Variants in SHANK2 observed in about 807,000 individuals in gnomAD.
SHANK2 encodes the protein SH3 and multiple ankyrin repeat domains 2, also known as SH3 and multiple ankyrin repeat domains protein 2.
A neutral mutation model predicts 133.7 loss-of-function variants in SHANK2; 43 were observed. The ratio of observed to expected loss-of-function variants is 0.32; its 90% confidence interval spans 0.25 to 0.41. The LOEUF is 0.41. Ranked by LOEUF, SHANK2 falls within the 10% of genes least tolerant of loss-of-function variation. The pLI is 1.00. For missense variants in SHANK2, 1,994 were observed against 2,235.8 expected (o/e 0.89, Z 2.18); for synonymous variants, 1,017 against 952.8 (o/e 1.07, Z -1.24).
chr11:70,546,222 A>C (rs1197833579), intron 17 of SHANK2, among the ~76,000 whole-genome samples: 2 of 150,756 alleles, frequency 1.3e-5, no homozygotes, highest in Admixed American at 6.7e-5. Context: ...CACAGGTGTG[A>C]ACCACTGCGC....
intron 17 of SHANK2, among the ~76,000 whole-genome samples, chr11:70,540,403 G>A (rs2059605004): frequency 6.6e-6 from 1 of 152,016 alleles, no homozygotes; most frequent in Non-Finnish European, 1.5e-5. Context: ...TCGAGGTGAT[G>A]AAGGCAGGCT....
At chr11:71,138,358 A>G (rs1397652238) in intron 3 of SHANK2, among the ~76,000 whole-genome samples, 1 of 152,226 alleles carries the variant, frequency 6.6e-6, no homozygotes, top group East Asian at 1.9e-4. Context: ...CCCAATATTC[A>G]AAAGTAGAGG....
intron 12 of SHANK2, among the ~76,000 whole-genome samples, chr11:70,813,821 C>T (rs782435527): frequency 3.3e-5 from 5 of 152,156 alleles, no homozygotes; most frequent in Non-Finnish European, 5.9e-5. Context: ...AAAGTCAGCC[C>T]GCACCCAAGC....
In SHANK2 at chr11:70,834,772, C is replaced by T. The variant is rs1443990108; in HGVS notation, c.1175-14090G>A. ...GAGTCTGTGGTGTTTGTAACGTTCCCGTCACTGGAGTCATTGAGGGAAGCT... is the reference window on the plus strand; with the variant it reads ...GAGTCTGTGGTGTTTGTAACGTTCCTGTCACTGGAGTCATTGAGGGAAGCT... On this transcript the variant is annotated intron_variant, in intron 11 of 25. Transcript: ENST00000601538. Among the ~76,000 whole-genome samples the T allele has an allele frequency of 4.6e-5, 7 of 152,088 alleles. 1 individual carries two copies. The highest frequency in any genetic ancestry group is 4.2e-4 in the South Asian group (2 of 4,810).
At chr11:70,506,767 G>A (rs2059142641) in intron 17 of SHANK2, among the ~76,000 whole-genome samples, 1 of 152,146 alleles carries the variant, frequency 6.6e-6, no homozygotes, top group Non-Finnish European at 1.5e-5. Flanking sequence ...TATTGGGTCC[G>A]GAGCCTGTGG....
intron 17 of SHANK2, among the ~76,000 whole-genome samples, chr11:70,585,501 A>G (rs1319407685): frequency 6.6e-6 from 1 of 152,190 alleles, no homozygotes; most frequent in Non-Finnish European, 1.5e-5. Context: ...ATTGACCAGA[A>G]TCATTCCCTG....
intron 14 of SHANK2, among the ~76,000 whole-genome samples, chr11:70,792,378 A>ACCAACCAG (rs1330014784): frequency 6.8e-6 from 1 of 146,334 alleles, no homozygotes; most frequent in Non-Finnish European, 1.5e-5. Flanking sequence ...CAACCAACCA[A>ACCAACCAG]CCAACCAGCC....
At chr11:71,234,974 A>G (rs1457884293) in intron 1 of SHANK2, among the ~76,000 whole-genome samples, 1 of 152,312 alleles carries the variant, frequency 6.6e-6, no homozygotes, top group Admixed American at 6.5e-5. Context: ...AACATGAGCT[A>G]CCGTACAACG....
chr11:70,633,275 T>C (rs1382660041), intron 17 of SHANK2, among the ~76,000 whole-genome samples: 6 of 148,786 alleles, frequency 4.0e-5, no homozygotes, highest in Non-Finnish European at 8.9e-5. Context: ...AGTATATTTA[T>C]ATATATATAA....
At chr11:70,885,974 G>A (rs549327045) in intron 11 of SHANK2, among the ~76,000 whole-genome samples, 10 of 152,264 alleles carry the variant, frequency 6.6e-5, no homozygotes, top group East Asian at 3.9e-4. Flanking sequence ...CAACACGCAC[G>A]TGACCGACCC....
At chr11:71,130,347 G>A (rs149235442) in intron 3 of SHANK2, among the ~76,000 whole-genome samples, 133 of 152,280 alleles carry the variant, frequency 8.7e-4, no homozygotes, top group African/African-American at 3.1e-3. Context: ...AAAGTATCCG[G>A]CCTGCCAGGG....
chr11:70,704,232 CAAACT>C (rs1441334335), intron 14 of SHANK2, among the ~76,000 whole-genome samples: 2 of 152,264 alleles, frequency 1.3e-5, no homozygotes, highest in Non-Finnish European at 2.9e-5. Flanking sequence ...CTCACTTGTA[CAAACT>C]AAATGCATAT....
intron 9 of SHANK2, among the ~76,000 whole-genome samples, chr11:71,071,980 C>A (rs1402583681): frequency 6.6e-6 from 1 of 152,180 alleles, no homozygotes; most frequent in Admixed American, 6.5e-5. Flanking sequence ...CCCCTCCCAG[C>A]CCACGCTGCT....
intron 17 of SHANK2, among the ~76,000 whole-genome samples, chr11:70,526,999 G>C (rs899636752): frequency 6.6e-6 from 1 of 151,878 alleles, no homozygotes; most frequent in Non-Finnish European, 1.5e-5. Context: ...CTGACCAGAC[G>C]CTCCCAGTCC....
chr11:70,687,944 G>A (rs561193055), intron 15 of SHANK2, among the ~76,000 whole-genome samples: 5 of 152,274 alleles, frequency 3.3e-5, no homozygotes, highest in South Asian at 2.1e-4. Flanking sequence ...TGTACTAAAC[G>A]TGGTCTGAGG....
intron 11 of SHANK2, among the ~76,000 whole-genome samples, chr11:70,886,205 C>A (rs961875477): frequency 6.6e-6 from 1 of 152,216 alleles, no homozygotes; most frequent in Non-Finnish European, 1.5e-5. Flanking sequence ...CAGAGGCGGC[C>A]GACTGCTCCC....
chr11:71,124,093 T>C (rs1952127766), intron 3 of SHANK2, among the ~76,000 whole-genome samples: 1 of 146,788 alleles, frequency 6.8e-6, no homozygotes, highest in Non-Finnish European at 1.5e-5. Flanking sequence ...GTAATGGCGA[T>C]GATAGTGATC....
At chr11:70,840,097 G>A (rs959729940) in intron 11 of SHANK2, among the ~76,000 whole-genome samples, 8 of 152,346 alleles carry the variant, frequency 5.3e-5, no homozygotes, top group South Asian at 2.1e-4. Flanking sequence ...TGGTGACGGC[G>A]TACAGTCTGG....
At chr11:70,686,407 A>G (rs1225288870) in intron 15 of SHANK2, among the ~76,000 whole-genome samples, 1 of 146,732 alleles carries the variant, frequency 6.8e-6, no homozygotes, top group Admixed American at 6.8e-5. Flanking sequence ...CCATCTATCC[A>G]TCATCCATCT....
Sources: allele counts gnomAD v4.1 joint callset (sites outside exome capture counted in the v4.1 genomes callset), GRCh38; gene constraint gnomAD v4.1.1; transcripts MANE v1.5; gene names NCBI Gene and HGNC (gene_info 2026-07-23, HGNC 2026-07-21).